NAA11: variants seen among roughly 807,000 people sequenced by gnomAD.
The protein encoded by NAA11 is N-alpha-acetyltransferase 11.
In NAA11, 15 loss-of-function variants were observed where a neutral mutation model predicts 16.1. The ratio of observed to expected loss-of-function variants is 0.93; its 90% confidence interval spans 0.62 to 1.44. NAA11 has a LOEUF of 1.44. NAA11 is among the 40% of genes most tolerant of loss of function. NAA11 has a pLI of 0.00. For synonymous variants in NAA11, 122 were observed against 112.4 expected (o/e 1.09, Z -0.54); for missense variants, 298 against 291.3 (o/e 1.02, Z -0.17).
chr4:79,268,273 A>C (rs1447970645), intron 2 of NAA11, among the ~76,000 whole-genome samples: 1 of 152,142 alleles, frequency 6.6e-6, no homozygotes, highest in African/African-American at 2.4e-5. Context: ...ATTTAACATC[A>C]ATTCTGGTAT....
At chr4:79,325,019 C>G (rs540649072) in intron 1 of NAA11, among the ~76,000 whole-genome samples, 157 bp downstream of exon 1, 1 of 152,302 alleles carries the variant, frequency 6.6e-6, no homozygotes, top group East Asian at 1.9e-4. Context: ...ATGAGTCTCC[C>G]TCAACTCACT....
At chr4:79,223,487 G>C (rs1207128837), downstream of NAA11, among the ~76,000 whole-genome samples, 1 of 118,224 alleles carries the variant, frequency 8.5e-6, no homozygotes, top group Non-Finnish European at 1.6e-5. Context: ...ACACTCTGGG[G>C]ACTGTTGTGG....
intron 1 of NAA11, chr4:79,307,097 G>T (rs1723608497): frequency 1.3e-5 from 2 of 152,230 alleles, no homozygotes; most frequent in South Asian, 4.1e-4. Context: ...TTTAAGAGAT[G>T]AATGTGCTCC....
intron 2 of NAA11, among the ~76,000 whole-genome samples, chr4:79,255,843 A>G (rs942595990): frequency 1.5e-4 from 23 of 152,348 alleles, no homozygotes; most frequent in Admixed American, 1.0e-3. Flanking sequence ...TTTTGCAGTC[A>G]TATTTATACC....
the NAA11 span, among the ~76,000 whole-genome samples, chr4:79,206,950 T>G: frequency 1.4e-4 from 22 of 152,040 alleles, no homozygotes; most frequent in African/African-American, 5.1e-4. Flanking sequence ...GGTATTTTGG[T>G]TTTTTTGTAG....
chr4:79,172,426 C>T, the NAA11 span, among the ~76,000 whole-genome samples: 1 of 152,098 alleles, frequency 6.6e-6, no homozygotes. Flanking sequence ...TCTGAGAACA[C>T]AGTTGGCACT....
chr4:79,251,717 T>G (rs974375979), intron 2 of NAA11, among the ~76,000 whole-genome samples: 3 of 152,208 alleles, frequency 2.0e-5, no homozygotes, highest in African/African-American at 7.2e-5. Flanking sequence ...TGCATATACT[T>G]GTCTTCCCAC....
the NAA11 span, among the ~76,000 whole-genome samples, chr4:79,171,972 T>G: frequency 2.0e-5 from 3 of 152,202 alleles, no homozygotes; most frequent in Non-Finnish European, 2.9e-5. Flanking sequence ...TATTTGTTTC[T>G]ACTTTTTTTA....
chr4:79,163,427 A>T, the NAA11 span, among the ~76,000 whole-genome samples: 1 of 152,160 alleles, frequency 6.6e-6, no homozygotes, highest in African/African-American at 2.4e-5. Context: ...GTTAAAAAAT[A>T]AAAAAATAAA....
At chr4:79,314,504 T>C (rs567201309), downstream of NAA11, among the ~76,000 whole-genome samples, 6 of 152,210 alleles carry the variant, frequency 3.9e-5, no homozygotes, top group South Asian at 2.1e-4. Context: ...ATTTTTAACA[T>C]AGCACCCAGG....
At chr4:79,186,872 A>G in the NAA11 span, among the ~76,000 whole-genome samples, 1 of 152,198 alleles carries the variant, frequency 6.6e-6, no homozygotes, top group Non-Finnish European at 1.5e-5. Context: ...TGAAATGCAT[A>G]TAACACCTGA....
At chr4:79,177,184 G>T in the NAA11 span, among the ~76,000 whole-genome samples, 1 of 151,806 alleles carries the variant, frequency 6.6e-6, no homozygotes, top group South Asian at 2.1e-4. Context: ...AAGGCAGTGT[G>T]TATCTATAAA....
intron 2 of NAA11, among the ~76,000 whole-genome samples, chr4:79,272,574 T>C (rs928159144): frequency 1.5e-4 from 23 of 152,064 alleles, no homozygotes; most frequent in African/African-American, 5.1e-4. Flanking sequence ...AACTTTTGTC[T>C]TTTTGTTTCT....
At chr4:79,291,598 C>G (rs994447390) in intron 2 of NAA11, among the ~76,000 whole-genome samples, 1 of 151,898 alleles carries the variant, frequency 6.6e-6, no homozygotes, top group Non-Finnish European at 1.5e-5. Flanking sequence ...GTGGTGCATG[C>G]CTGTAATCCC....
the NAA11 span, among the ~76,000 whole-genome samples, chr4:79,195,228 G>A: frequency 6.6e-6 from 1 of 151,980 alleles, no homozygotes; most frequent in Admixed American, 6.6e-5. Context: ...CTACAGAATT[G>A]GAATCTTGAG....
At chr4:79,257,918 T>C (rs1234266097) in intron 2 of NAA11, among the ~76,000 whole-genome samples, 2 of 152,252 alleles carry the variant, frequency 1.3e-5, no homozygotes, top group African/African-American at 4.8e-5. Flanking sequence ...TGTCTATATG[T>C]AATCATGTAC....
chr4:79,314,642 A>T (rs916548182), downstream of NAA11, among the ~76,000 whole-genome samples: 23 of 31,218 alleles, frequency 7.4e-4, no homozygotes, highest in Admixed American at 3.4e-4. Context: ...CCTTAAAATT[A>T]AAAAAAAAAA....
chr4:79,222,341 A>G (rs534835852), downstream of NAA11, among the ~76,000 whole-genome samples: 119 of 152,212 alleles, frequency 7.8e-4, no homozygotes, highest in South Asian at 6.0e-3. Context: ...ATAACGCCAC[A>G]TATCTACAAC....
the NAA11 span, among the ~76,000 whole-genome samples, chr4:79,208,957 A>T: frequency 7.7e-6 from 1 of 130,142 alleles, no homozygotes; most frequent in Non-Finnish European, 1.7e-5. Context: ...ACCCCAAAAA[A>T]CCAAAACTGC....
Sources: allele counts gnomAD v4.1 joint callset (sites outside exome capture counted in the v4.1 genomes callset), GRCh38; gene constraint gnomAD v4.1.1; transcripts MANE v1.5; gene names NCBI Gene and HGNC (gene_info 2026-07-23, HGNC 2026-07-21).